The following PADI6 variants were observed in gnomAD, a reference collection of about 807,000 sequenced individuals.
PADI6 encodes peptidyl arginine deiminase 6.
PADI6 carries 66 observed loss-of-function variants against 78.2 expected under a neutral mutation model. The ratio of observed to expected loss-of-function variants is 0.84; its 90% CI spans 0.69 to 1.04. PADI6 has a LOEUF of 1.04. Ranked by LOEUF, PADI6 falls within the 50% of genes least tolerant of loss-of-function variation. PADI6 has a pLI of 0.00. For synonymous variants in PADI6, 397 were observed against 346.9 expected (o/e 1.14, Z -1.60); for missense variants, 854 against 866.1 (o/e 0.99, Z 0.18).
intron 3 of PADI6, among the ~76,000 whole-genome samples, chr1:17,375,820 A>G (rs116558598): frequency 0.012 from 1,846 of 152,052 alleles, 37 homozygotes; most frequent in African/African-American, 0.041. Context: ...TTACTAATTG[A>G]CGCATCTGGT....
chr1:17,400,510 TTTTG>T (rs146221823), intron 15 of PADI6, among the ~76,000 whole-genome samples: 10,674 of 149,514 alleles, frequency 0.071, 441 homozygotes, highest in African/African-American at 0.11. Flanking sequence ...TGTTTTGTTT[TTTTG>T]TTTGTTTGTT....
rs141635082 is a variant in PADI6 at position 17,392,005 on chromosome 1, A to T, written c.963-109A>T. ...CTGTCGACCTCACGGGCAGGGATGTAACCTCTCCTGGTGAGAAGGATGTGT... is the reference window on the plus strand; with the variant it reads ...CTGTCGACCTCACGGGCAGGGATGTTACCTCTCCTGGTGAGAAGGATGTGT... On this transcript the variant is annotated intron_variant, in intron 8 of 15. Transcript: ENST00000619609. 3.4e-3 allele frequency: 3,107 copies of T among 907,062 alleles called. 11 individuals are homozygous for T. The highest frequency in any genetic ancestry group is 3.9e-3 in the Non-Finnish European group (2,261 of 585,426). The allele number at this position is 907,062 out of a possible 1,614,324, so 56.2% of individuals were successfully genotyped here.
At chr1:17,382,755 C>A (rs1003636510) in intron 6 of PADI6, among the ~76,000 whole-genome samples, 1 of 152,222 alleles carries the variant, frequency 6.6e-6, no homozygotes, top group Non-Finnish European at 1.5e-5. Context: ...TGCTTCTGGA[C>A]GGACATGCCA....
intron 2 of PADI6, among the ~76,000 whole-genome samples, chr1:17,374,160 G>T (rs906887481): frequency 2.0e-5 from 3 of 152,094 alleles, no homozygotes; most frequent in Non-Finnish European, 4.4e-5. Context: ...GGCTGGGGGT[G>T]AGAACCATGA....
At chr1:17,394,265 C>CT in intron 10 of PADI6, 35 bp from the exon 11 acceptor site, 1 of 1,607,250 alleles carries the variant, frequency 6.2e-7, no homozygotes, top group Non-Finnish European at 8.5e-7. Context: ...CCATCCCCTA[C>CT]TAACACCCCT....
intron 8 of PADI6, 85 bp downstream of exon 8, chr1:17,388,965 G>C: frequency 1.9e-6 from 2 of 1,075,814 alleles, no homozygotes; most frequent in South Asian, 2.9e-5. Context: ...GGTGGGTGAA[G>C]ATGACTAGGA....
At chr1:17,386,666 C>G (rs1410389613) in intron 6 of PADI6, among the ~76,000 whole-genome samples, 1 of 152,148 alleles carries the variant, frequency 6.6e-6, no homozygotes, top group African/African-American at 2.4e-5. Context: ...CAGGAACTAG[C>G]ACAGGAGTGG....
intron 13 of PADI6, among the ~76,000 whole-genome samples, chr1:17,396,659 C>T (rs561189244): frequency 2.6e-5 from 4 of 152,318 alleles, no homozygotes; most frequent in Admixed American, 2.0e-4. Context: ...ATAAATTGGG[C>T]ATCCCTGTCC....
chr1:17,394,236 A>T, intron 10 of PADI6, 64 bp from the exon 11 acceptor site: 1 of 1,589,990 alleles, frequency 6.3e-7, no homozygotes, highest in Non-Finnish European at 8.6e-7. Flanking sequence ...GGATTTAGGG[A>T]TAAGACTGGG....
In PADI6 at chr1:17,394,988, T is replaced by G; in HGVS notation, c.1375T>G (p.Phe459Val). The G allele has an allele frequency of 6.2e-7, 1 of 1,613,438 alleles. No homozygotes were observed. The highest frequency in any genetic ancestry group is 8.5e-7 in the Non-Finnish European group (1 of 1,179,854). ...GRAMSKTLRDFLYAQQVQAPV... is the reference protein window; with the variant it reads ...GRAMSKTLRDVLYAQQVQAPV... ...GGCCATGAGTAAGACCCTCCGAGACTTCCTCTATGCCCAGCAGGTCCAAGC... is the reference window on the plus strand; with the variant it reads ...GGCCATGAGTAAGACCCTCCGAGACGTCCTCTATGCCCAGCAGGTCCAAGC... Residue 459 changes from phenylalanine to valine, a missense_variant, in exon 12 of 16, where the codon TTC becomes GTC. Phe to Val is a conservative substitution (Grantham distance 50). Coordinates refer to ENST00000619609, the MANE Select transcript of PADI6 (RefSeq NM_207421.4).
At chr1:17,373,667 T>G (rs2074986491) in intron 2 of PADI6, among the ~76,000 whole-genome samples, 1 of 152,016 alleles carries the variant, frequency 6.6e-6, no homozygotes, top group Non-Finnish European at 1.5e-5. Context: ...AATTTTGTAT[T>G]TTTAGTATGA....
At position 17,395,102 on chromosome 1, in the gene PADI6, A is replaced by G. The variant is rs2075232764; in HGVS notation, c.1489A>G (p.Lys497Glu). The G allele has an allele frequency of 3.7e-6, 6 of 1,613,628 alleles. No individual in the cohort carries two copies. The highest frequency in any genetic ancestry group is 5.1e-6 in the Non-Finnish European group (6 of 1,179,734). ...CCCCACAGATGACAAGAATGAGGGC[A>G]AAAAGGTCTGCTTTGGGGTCTGGAG... ...FIPTDDKNEG[K>E]KGFLLLLASP... The change falls in exon 12 of 16, where the codon AAA (lysine) becomes GAA (glutamate). Residue 497 changes from lysine to glutamate, a missense_variant. By Grantham distance (56) the Lys-to-Glu change is moderately conservative (BLOSUM62 1). Transcript: ENST00000619609.
Position 17,372,244 on chromosome 1 carries a change from G to GT in PADI6, c.-2_-1insT, listed in dbSNP as rs763766122. ...AGTGAGGGCTGCGGTGCAGGCCTGA[G>GT]GATGGTCAGCGTGGAGGGCCGAGCC... is the stretch of plus-strand genomic sequence containing the variant. On this transcript the variant is annotated 5_prime_UTR_variant, in exon 1 of 16. Coordinates refer to ENST00000619609, the MANE Select transcript of PADI6 (RefSeq NM_207421.4). 12 of 1,613,694 alleles carry GT rather than the reference G, an allele frequency of 7.4e-6. No homozygotes were observed. The East Asian group carries it at 2.7e-4, about 36-fold the overall frequency.
intron 2 of PADI6, 122 bp from the exon 3 acceptor site, chr1:17,375,305 G>T: frequency 1.2e-6 from 1 of 868,750 alleles, no homozygotes; most frequent in South Asian, 1.6e-5. Flanking sequence ...TCATAGGTGA[G>T]ACTTCAGAAG....
chr1:17,391,308 C>T (rs1402006523), intron 8 of PADI6, among the ~76,000 whole-genome samples: 1 of 152,120 alleles, frequency 6.6e-6, no homozygotes, highest in East Asian at 1.9e-4. Flanking sequence ...CAGCCTCCAC[C>T]TCCAGGGTTC....
chr1:17,375,517 T>A lies in PADI6; in HGVS notation c.367+18T>A, dbSNP rs754448892. ...TGGCATTGGTGAGTGTTGCTCCAAC[T>A]GGGAGCCTGGGGCCCAACTCACCGC... On this transcript the variant is annotated intron_variant, in intron 3 of 15. Transcript: ENST00000619609. 1.4e-5 allele frequency: 23 copies of A among 1,586,612 alleles called. No homozygotes were observed. The highest frequency in any genetic ancestry group is 8.6e-7 in the Non-Finnish European group (1 of 1,165,432).
At chr1:17,390,737 C>T (rs2075173751) in intron 8 of PADI6, among the ~76,000 whole-genome samples, 1 of 152,134 alleles carries the variant, frequency 6.6e-6, no homozygotes, top group East Asian at 1.9e-4. Flanking sequence ...GGTAAAATCT[C>T]AGAAAGTCTG....
At chr1:17,395,139 G>C in intron 12 of PADI6, 32 bp downstream of exon 12, 2 of 1,583,242 alleles carry the variant, frequency 1.3e-6, no homozygotes, top group Non-Finnish European at 8.6e-7. Context: ...AGGGACATCT[G>C]ACCCTTGCCT....
chr1:17,398,863 G>T lies in PADI6; in HGVS notation c.1851+16G>T. ...CCCTGACCTGGTGAGGGGCGACTGC[G>T]CATCCCTGGGTGGGGGAGGGCCTGT... On this transcript the variant is annotated intron_variant, in intron 15 of 15. Coordinates refer to ENST00000619609, the MANE Select transcript of PADI6 (RefSeq NM_207421.4). 18 of 1,610,878 alleles carry T rather than the reference G, an allele frequency of 1.1e-5. No homozygotes were observed. Among genetic ancestry groups the T allele is most frequent in the Non-Finnish European group, 1.5e-5 (18 of 1,178,236 alleles).
Sources: gnomAD v4.1 joint callset for allele counts (sites outside exome capture counted in the v4.1 genomes callset) on GRCh38, gnomAD v4.1.1 for gene constraint, MANE v1.5 for transcripts, NCBI Gene and HGNC (gene_info 2026-07-23, HGNC 2026-07-21) for gene names.